Variants in NSUN4 observed in about 807,000 individuals in gnomAD.
NSUN4 encodes NOP2/Sun RNA methyltransferase 4.
Under a neutral mutation model 43.8 loss-of-function variants are expected in NSUN4, and 31 were observed. That is an observed-to-expected ratio of 0.71 (90% CI 0.53 to 0.96). NSUN4 has a LOEUF of 0.96. Ranked by LOEUF, NSUN4 falls within the 40% of genes least tolerant of loss-of-function variation. The pLI, the probability that NSUN4 is intolerant of heterozygous loss-of-function variation, is 0.00. For missense variants in NSUN4, 439 were observed against 475.6 expected (o/e 0.92, Z 0.72); for synonymous variants, 167 against 184.1 (o/e 0.91, Z 0.75).
the NSUN4 span, among the ~76,000 whole-genome samples, chr1:46,375,006 C>T: frequency 6.6e-6 from 1 of 151,966 alleles, no homozygotes; most frequent in Non-Finnish European, 1.5e-5. Context: ...ATTTGCACAC[C>T]ATAAAGATAT....
chr1:46,354,025 A>T (rs1159402792), intron 4 of NSUN4, among the ~76,000 whole-genome samples: 1 of 152,072 alleles, frequency 6.6e-6, no homozygotes, highest in African/African-American at 2.4e-5. Context: ...GTGCTATCAA[A>T]CTTAATTTTT....
chr1:46,360,585 G>C, intron 4 of NSUN4, 119 bp from the exon 5 acceptor site: 1 of 972,670 alleles, frequency 1.0e-6, no homozygotes. Context: ...ACTCTGCAAA[G>C]GAGGGATGGG....
At chr1:46,382,673 C>G in the NSUN4 span, among the ~76,000 whole-genome samples, 1 of 151,422 alleles carries the variant, frequency 6.6e-6, no homozygotes, top group African/African-American at 2.4e-5. Context: ...ATGATCTCAG[C>G]TCACTGCAAC....
chr1:46,360,621 G>A, intron 4 of NSUN4, 83 bp from the exon 5 acceptor site: 5 of 1,466,668 alleles, frequency 3.4e-6, no homozygotes, highest in Non-Finnish European at 4.7e-6. Context: ...ACAAACTTAG[G>A]CCAGGGGCCT....
chr1:46,346,375 C>T (rs2148370567), intron 2 of NSUN4, among the ~76,000 whole-genome samples: 1 of 151,384 alleles, frequency 6.6e-6, no homozygotes, highest in South Asian at 2.1e-4. Flanking sequence ...AATGGTGAAA[C>T]CCCATCTCTA....
chr1:46,370,554 T>C, the NSUN4 span: 1 of 151,770 alleles, frequency 6.6e-6, no homozygotes, highest in East Asian at 1.9e-4. Flanking sequence ...CTTTTTTTTT[T>C]TTTTTTTTTC....
intron 4 of NSUN4, among the ~76,000 whole-genome samples, chr1:46,358,526 C>T (rs112911951): frequency 0.22 from 33,691 of 150,196 alleles, 4,191 homozygotes; most frequent in Non-Finnish European, 0.29. Context: ...CTCAGCCTCC[C>T]GAGTAGCTGG....
rs1031076585 is a variant in NSUN4 at position 46,363,270 on chromosome 1, G to A, written c.*1424G>A. The A allele has an allele frequency of 9.9e-5, 15 of 152,240 alleles. No individual in the cohort carries two copies. The highest frequency in any genetic ancestry group is 3.6e-4 in the African/African-American group (15 of 41,450). The allele number at this position is 152,240 out of a possible 1,614,324, so 9.4% of individuals were successfully genotyped here. On this transcript the variant is annotated 3_prime_UTR_variant, in exon 6 of 6. Transcript: ENST00000474844. Reference sequence around the variant, plus strand: ...GAAGCTAGGAAGATGGAGCTTTAAGGAGCATGGCTAGTGCTCTGAGTAGGA... The same window carrying A: ...GAAGCTAGGAAGATGGAGCTTTAAGAAGCATGGCTAGTGCTCTGAGTAGGA...
intron 4 of NSUN4, among the ~76,000 whole-genome samples, chr1:46,356,929 A>G (rs1271275547): frequency 6.6e-6 from 1 of 152,188 alleles, no homozygotes; most frequent in African/African-American, 2.4e-5. Flanking sequence ...CTTCCCTTAT[A>G]ATACAATATT....
Position 46,352,895 on chromosome 1 carries a change from C to T in NSUN4, c.620C>T (p.Pro207Leu), listed in dbSNP as rs759529815. 44 of 1,613,978 alleles carry T rather than the reference C, an allele frequency of 2.7e-5. No individual in the cohort carries two copies. Among genetic ancestry groups the T allele is most frequent in the East Asian group, 8.9e-5 (4 of 44,896 alleles). The stretch of plus-strand genomic sequence containing the variant: ...AATCTTGCTGCCAATGATCTCTCCC[C>T]GTCCCGAATAGCCAGACTACAGAAG... Reference protein sequence around the residue: ...CRNLAANDLSPSRIARLQKIL... With the variant: ...CRNLAANDLSLSRIARLQKIL... Residue 207 changes from proline (P) to leucine (L), a missense_variant, in exon 4 of 6, where the codon CCG becomes CTG. Pro to Leu is a moderately conservative substitution (Grantham distance 98). Transcript: ENST00000474844.
intron 5 of NSUN4, 138 bp downstream of exon 5, chr1:46,360,966 A>G: frequency 1.0e-6 from 1 of 957,686 alleles, no homozygotes; most frequent in Non-Finnish European, 1.6e-6. Context: ...CAGAAATGGG[A>G]TCATCTCTGG....
intron 4 of NSUN4, among the ~76,000 whole-genome samples, chr1:46,359,984 T>C (rs1488156877): frequency 6.6e-6 from 1 of 150,576 alleles, no homozygotes; most frequent in Admixed American, 6.6e-5. Context: ...AATCCTAGCA[T>C]TTCAGGAGGC....
At chr1:46,365,343 C>CT (rs1006469990), downstream of NSUN4, among the ~76,000 whole-genome samples, 9 of 151,914 alleles carry the variant, frequency 5.9e-5, no homozygotes, top group African/African-American at 1.9e-4. Context: ...GTTTTCTTTT[C>CT]TTTTTTTATT....
chr1:46,348,022 C>T (rs959795152), intron 3 of NSUN4, among the ~76,000 whole-genome samples: 10 of 152,088 alleles, frequency 6.6e-5, no homozygotes, highest in East Asian at 1.9e-4. Context: ...GGACTACAGG[C>T]GCCCACCACC....
the NSUN4 span, among the ~76,000 whole-genome samples, chr1:46,380,393 T>C: frequency 6.6e-6 from 1 of 152,192 alleles, no homozygotes; most frequent in Non-Finnish European, 1.5e-5. Flanking sequence ...GGTGTTACCT[T>C]CTGGATAACA....
chr1:46,348,321 G>T lies in NSUN4; in HGVS notation c.592+1246G>T, dbSNP rs375393427. ...GACCTCTGCTGGCCGGTTCAGAAAT[G>T]ATGCCTGTCTCCTACGCTCCCACAG... On this transcript the variant is annotated intron_variant, in intron 3 of 5. Transcript: ENST00000474844. 2.6e-4 allele frequency among the ~76,000 whole-genome samples: 39 copies of T among 152,206 alleles called. 1 individual carries two copies. The highest frequency in any genetic ancestry group is 1.9e-3 in the East Asian group (10 of 5,200).
At chr1:46,359,286 A>T (rs1663630390) in intron 4 of NSUN4, among the ~76,000 whole-genome samples, 1 of 151,948 alleles carries the variant, frequency 6.6e-6, no homozygotes, top group South Asian at 2.1e-4. Context: ...ATAAACTGGG[A>T]ATTTAGTTTT....
the NSUN4 span, among the ~76,000 whole-genome samples, chr1:46,374,009 G>C: frequency 4.5e-4 from 68 of 152,154 alleles, no homozygotes; most frequent in African/African-American, 1.5e-3. Flanking sequence ...AGATCTAGCC[G>C]GGCGCAGTGG....
chr1:46,347,178 C>G (rs1662573857), intron 3 of NSUN4, 103 bp downstream of exon 3: 2 of 1,264,054 alleles, frequency 1.6e-6, no homozygotes, highest in Admixed American at 2.6e-5. Flanking sequence ...TGGCTCCCGC[C>G]TGTAATCCCA....
Sources: gnomAD v4.1 joint callset for allele counts (sites outside exome capture counted in the v4.1 genomes callset) on GRCh38, gnomAD v4.1.1 for gene constraint, MANE v1.5 for transcripts, NCBI Gene and HGNC (gene_info 2026-07-23, HGNC 2026-07-21) for gene names.